The following MX2 variants were observed in gnomAD, a reference collection of about 807,000 sequenced individuals.
MX2 encodes interferon-induced GTP-binding protein Mx2.
In MX2, 51 loss-of-function variants were observed where a neutral mutation model predicts 74.0. The ratio of observed to expected loss-of-function variants is 0.69; its 90% CI spans 0.55 to 0.87. The LOEUF (loss-of-function observed/expected upper bound fraction) is 0.87, where lower values mean the gene tolerates loss of function less well. MX2 is among the 40% of genes least tolerant of loss of function. The probability of loss-of-function intolerance (pLI) is 0.00; values close to 1 mark genes in which losing one functional copy is unlikely to be tolerated. For missense variants in MX2, 832 were observed against 908.7 expected, an observed-to-expected ratio of 0.92 and a Z score of 1.09; for synonymous variants, 369 against 339.3, an observed-to-expected ratio of 1.09 and a Z score of -0.96.
chr21:41,408,193 G>A lies in MX2; in HGVS notation c.2108G>A (p.Arg703Gln), dbSNP rs368409724. 6 of 1,614,194 alleles carry A rather than the reference G, an allele frequency of 3.7e-6. No homozygotes were observed. Among genetic ancestry groups the A allele is most frequent in the Non-Finnish European group, 5.1e-6 (6 of 1,180,046 alleles). ...KERIYRLTQA[R>Q]HALCQFSSKE... ...AGAATTTACCGGCTCACTCAGGCGC[G>A]ACACGCACTCTGTCAATTCTCCAGC... The change falls in exon 14 of 14, where the codon CGA becomes CAA. Residue 703 changes from arginine to glutamine, a missense_variant. Arg to Gln is a conservative substitution (Grantham distance 43). Transcript: ENST00000330714.
chr21:41,379,474 C>T (rs1372504524), intron 3 of MX2, among the ~76,000 whole-genome samples: 1 of 152,164 alleles, frequency 6.6e-6, no homozygotes, highest in Non-Finnish European at 1.5e-5. Context: ...TCGGGATGTC[C>T]GGCTTCTCCT....
In MX2 at chr21:41,399,232, G is replaced by A. The variant is rs2089778159; in HGVS notation, c.1309G>A (p.Val437Ile). The change falls in exon 10 of 14, where the codon GTA becomes ATA. Residue 437 changes from valine (V) to isoleucine (I), a missense_variant. Coordinates refer to ENST00000330714, the MANE Select transcript of MX2 (RefSeq NM_002463.2). ...KMFNQDIEKL[V>I]EGEEVVRENE... Reference sequence around the variant, plus strand: ...GTTTAATCAGGACATCGAAAAGTTAGTAGAAGGAGAAGAAGTTGTAAGGGA... The same window carrying A: ...GTTTAATCAGGACATCGAAAAGTTAATAGAAGGAGAAGAAGTTGTAAGGGA... 1.9e-6 allele frequency: 3 copies of A among 1,613,854 alleles called. No individual in the cohort carries two copies. The highest frequency in any genetic ancestry group is 2.5e-6 in the Non-Finnish European group (3 of 1,179,864).
rs367788793 is a variant in MX2, at chr21:41,397,648, G to C, written c.1106G>C (p.Arg369Pro). The C allele has an allele frequency of 1.2e-6, 2 of 1,614,068 alleles. No homozygotes were observed. The highest frequency in any genetic ancestry group is 1.7e-6 in the Non-Finnish European group (2 of 1,179,978). ...LLEEGSATVP[R>P]LAERLTTELI... ...GAGGAGGGGTCAGCCACGGTTCCCCGACTGGCAGAAAGACTTACCACTGAA... is the reference window on the plus strand; with the variant it reads ...GAGGAGGGGTCAGCCACGGTTCCCCCACTGGCAGAAAGACTTACCACTGAA... Residue 369 changes from arginine to proline, a missense_variant, in exon 8 of 14, where the codon CGA (arginine) becomes CCA (proline). Coordinates refer to ENST00000330714, the MANE Select transcript of MX2 (RefSeq NM_002463.2).
chr21:41,395,597 C>T lies in MX2; in HGVS notation c.882C>T (p.Thr294=). 1 of 1,614,070 alleles carries T rather than the reference C, an allele frequency of 6.2e-7. No homozygotes were observed. The change falls in exon 7 of 14, where the codon ACC becomes ACT. Residue 294 remains threonine (T), a synonymous_variant. Transcript: ENST00000330714. Reference sequence around the variant, plus strand: ...TTAACCATCTCACAGGTATCCTGACCAAACCAGATCTAATGGACAGGGGCA... The same window carrying T: ...TTAACCATCTCACAGGTATCCTGACTAAACCAGATCTAATGGACAGGGGCA... ...PEGDRTIGIL[T]KPDLMDRGTE...
At chr21:41,394,193 C>G (rs1007295947) in intron 6 of MX2, among the ~76,000 whole-genome samples, 4 of 152,216 alleles carry the variant, frequency 2.6e-5, no homozygotes, top group African/African-American at 9.6e-5. Flanking sequence ...CTGCTGCCAT[C>G]TCACATGCAT....
At chr21:41,365,205 TTG>T (rs2089254385) in intron 1 of MX2, 1 of 21,918 alleles carries the variant, frequency 4.6e-5, no homozygotes, top group South Asian at 2.9e-3. Flanking sequence ...ACAGGAAAAT[TTG>T]TTTGTTTGTT....
rs1415241092 is a variant in MX2 at position 41,402,105 on chromosome 21, T to G, written c.1550T>G (p.Leu517Arg). ...QYIQQLVEPA[L>R]SMLQKAMEII... is the part of the protein sequence containing the mutation. Reference sequence around the variant, plus strand: ...ATCCAGCAGCTGGTGGAGCCCGCCCTTAGCATGCTCCAGAAAGCCATGGGT... The same window carrying G: ...ATCCAGCAGCTGGTGGAGCCCGCCCGTAGCATGCTCCAGAAAGCCATGGGT... Residue 517 changes from leucine (L) to arginine (R), a missense_variant, in exon 11 of 14, where the codon CTT becomes CGT. Leu to Arg is a moderately radical substitution (Grantham distance 102, BLOSUM62 -2). Coordinates refer to ENST00000330714, the MANE Select transcript of MX2 (RefSeq NM_002463.2). This position sits in a 1 kb window ranked among gnomAD's most constrained non-coding sequence, Gnocchi z 4.5. The G allele has an allele frequency of 1.2e-6, 2 of 1,613,576 alleles. No individual in the cohort carries two copies. Among genetic ancestry groups the G allele is most frequent in the Admixed American group, 3.3e-5 (2 of 59,838 alleles).
intron 6 of MX2, 130 bp downstream of exon 6, chr21:41,390,833 G>C: frequency 9.8e-7 from 1 of 1,019,268 alleles, no homozygotes; most frequent in South Asian, 1.6e-5. Flanking sequence ...GTGAAACCTC[G>C]TCTCCACTAA....
At chr21:41,400,003 C>T (rs2089789877) in intron 10 of MX2, among the ~76,000 whole-genome samples, 1 of 152,218 alleles carries the variant, frequency 6.6e-6, no homozygotes, top group Non-Finnish European at 1.5e-5. Context: ...CCAGATGACT[C>T]TGGGGGCCAG....
chr21:41,395,777 A>C lies in MX2; in HGVS notation c.1062A>C (p.Pro354=), dbSNP rs2089726590. ...AAATTACATTCTTTCAAACACATCCATATTTCAGGTGAGACTCTTCAGGAA... is the reference window on the plus strand; with the variant it reads ...AAATTACATTCTTTCAAACACATCCCTATTTCAGGTGAGACTCTTCAGGAA... The part of the protein sequence containing the change: ...KKEITFFQTH[P]YFRVLLEEGS... The change falls in exon 7 of 14, where the codon CCA becomes CCC. Residue 354 remains proline (P), a synonymous_variant. Transcript: ENST00000330714. 1 of 1,614,134 alleles carries C rather than the reference A, an allele frequency of 6.2e-7. No homozygotes were observed. The highest frequency in any genetic ancestry group is 8.5e-7 in the Non-Finnish European group (1 of 1,180,026).
At chr21:41,386,619 C>T (rs925933655) in intron 5 of MX2, among the ~76,000 whole-genome samples, 1 of 152,228 alleles carries the variant, frequency 6.6e-6, no homozygotes, top group Admixed American at 6.5e-5. Flanking sequence ...ATCGGGGCCT[C>T]CAGGTCCCAC....
Position 41,386,219 on chromosome 21 carries a change from CAAAAAAAAAAAA to C in MX2, c.732+3674_732+3685del, listed in dbSNP as rs59005802. ...TGGGCAACAGAGTAATACTCCATCT[CAAAAAAAAAAAA>C]AAAAAAAAAAAAAAAAAACAAATCT... On this transcript the variant is annotated intron_variant, in intron 5 of 13. Coordinates refer to ENST00000330714, the MANE Select transcript of MX2 (RefSeq NM_002463.2). Among the ~76,000 whole-genome samples, 57 of 32,016 alleles carry C rather than the reference CAAAAAAAAAAAA, an allele frequency of 1.8e-3. 1 individual carries two copies. Among genetic ancestry groups the C allele is most frequent in the African/African-American group, 4.3e-3 (46 of 10,784 alleles). 21.0% of individuals were successfully genotyped at this position (32,016 alleles called of 152,430 possible). A position where few individuals can be genotyped will look rare whatever the true frequency, so the allele number is the denominator to read the frequency against.
At chr21:41,403,471 A>AGGGCTGGCG in intron 12 of MX2, 128 bp downstream of exon 12, 1 of 895,062 alleles carries the variant, frequency 1.1e-6, no homozygotes, top group Middle Eastern at 2.2e-4. Flanking sequence ...CGAGGCTGGC[A>AGGGCTGGCG]GGGCTGGCGG....
rs560925093 is a variant in MX2, at chr21:41,369,819, C to T, written c.-71-7017C>T. Among the ~76,000 whole-genome samples the T allele has an allele frequency of 5.9e-5, 9 of 151,968 alleles. No individual in the cohort carries two copies. In the South Asian group the frequency reaches 1.9e-3, roughly 32 times the overall value. Reference sequence around the variant, plus strand: ...ACAATAGCGGGGACCTCCCTGCCCGCCGCACCCCTGCCCCCCGCCCCCGCC... The same window carrying T: ...ACAATAGCGGGGACCTCCCTGCCCGTCGCACCCCTGCCCCCCGCCCCCGCC... On this transcript the variant is annotated intron_variant, in intron 1 of 13. Coordinates refer to ENST00000330714, the MANE Select transcript of MX2 (RefSeq NM_002463.2).
intron 12 of MX2, chr21:41,404,163 A>G (rs1237467905): frequency 6.3e-6 from 1 of 158,404 alleles, no homozygotes. Flanking sequence ...GCTCTGGGCC[A>G]TGGGAACTCT....
At chr21:41,390,183 G>A (rs929697741) in intron 5 of MX2, 10 of 219,140 alleles carry the variant, frequency 4.6e-5, no homozygotes, top group African/African-American at 1.1e-4. Flanking sequence ...AGATGTCACC[G>A]CTGGCCGCAA....
intron 6 of MX2, among the ~76,000 whole-genome samples, chr21:41,394,261 G>A (rs576958326): frequency 7.5e-6 from 1 of 133,638 alleles, no homozygotes; most frequent in Non-Finnish European, 1.5e-5. Flanking sequence ...GGCCCTGCCT[G>A]CCTCTCTGAT....
intron 1 of MX2, among the ~76,000 whole-genome samples, chr21:41,372,337 A>C (rs432052): frequency 0.81 from 122,972 of 151,708 alleles, 50,014 homozygotes; most frequent in East Asian, 0.99. Flanking sequence ...ATGGCACTCA[A>C]GGACAGGTGT....
chr21:41,387,857 A>G (rs114754268), intron 5 of MX2, among the ~76,000 whole-genome samples: 1,739 of 152,190 alleles, frequency 0.011, 37 homozygotes, highest in African/African-American at 0.04. Flanking sequence ...CTGGCCCCAT[A>G]GACATCCCCG....
Sources: allele counts gnomAD v4.1 joint callset (sites outside exome capture counted in the v4.1 genomes callset), GRCh38; gene constraint gnomAD v4.1.1; non-coding constraint Gnocchi (gnomAD v3.1); transcripts MANE v1.5; gene names NCBI Gene and HGNC (gene_info 2026-07-23, HGNC 2026-07-21).